HS3ST3A1: variants seen among roughly 807,000 people sequenced by gnomAD.
The protein encoded by HS3ST3A1 is heparan sulfate-glucosamine 3-sulfotransferase 3A1, also known as heparan sulfate glucosamine 3-O-sulfotransferase 3A1.
In HS3ST3A1, 19 loss-of-function variants were observed where a neutral mutation model predicts 25.7. The ratio of observed to expected loss-of-function variants is 0.74; its 90% confidence interval spans 0.52 to 1.08. The LOEUF (loss-of-function observed/expected upper bound fraction) is 1.08. HS3ST3A1 is among the 50% of genes least tolerant of loss of function. The pLI, the probability that HS3ST3A1 is intolerant of heterozygous loss-of-function variation, is 0.00. For missense variants in HS3ST3A1, 459 were observed against 594.3 expected (o/e 0.77, Z 2.37); for synonymous variants, 226 against 278.6 (o/e 0.81, Z 1.88).
intron 1 of HS3ST3A1, among the ~76,000 whole-genome samples, chr17:13,502,060 C>A (rs188173310): frequency 4.3e-4 from 66 of 152,230 alleles, no homozygotes; most frequent in Non-Finnish European, 8.8e-4. Context: ...ATTTTCCTAT[C>A]TGGCTCAAAC....
At chr17:13,534,826 G>A (rs1906721462) in intron 1 of HS3ST3A1, among the ~76,000 whole-genome samples, 1 of 151,998 alleles carries the variant, frequency 6.6e-6, no homozygotes, top group African/African-American at 2.4e-5. Flanking sequence ...GGGAGTTCGT[G>A]ACCAGCCTGA....
chr17:13,589,535 A>C (rs1908363763), intron 1 of HS3ST3A1, among the ~76,000 whole-genome samples: 1 of 152,194 alleles, frequency 6.6e-6, no homozygotes, highest in Non-Finnish European at 1.5e-5. Flanking sequence ...TCCTACACCA[A>C]GGAGTAAGAG....
chr17:13,551,913 CTCTA>C (rs756150549), intron 1 of HS3ST3A1, among the ~76,000 whole-genome samples: 38 of 152,156 alleles, frequency 2.5e-4, no homozygotes, highest in Non-Finnish European at 4.7e-4. Flanking sequence ...TCTGAGTCTA[CTCTA>C]TCTAACTAAG....
intron 1 of HS3ST3A1, among the ~76,000 whole-genome samples, chr17:13,597,264 T>G (rs1908601197): frequency 6.6e-6 from 1 of 152,070 alleles, no homozygotes; most frequent in Non-Finnish European, 1.5e-5. Context: ...AATAAGTATC[T>G]TTTAGCTTAC....
At chr17:13,587,799 G>A (rs1423304295) in intron 1 of HS3ST3A1, among the ~76,000 whole-genome samples, 3 of 151,828 alleles carry the variant, frequency 2.0e-5, no homozygotes, top group African/African-American at 7.3e-5. Context: ...ATTTGTAGTT[G>A]AGCATATAAT....
chr17:13,562,353 C>T (rs2142366255), intron 1 of HS3ST3A1, among the ~76,000 whole-genome samples: 1 of 152,228 alleles, frequency 6.6e-6, no homozygotes, highest in East Asian at 1.9e-4. Flanking sequence ...AGACAGACAG[C>T]CTCGTCTATT....
intron 1 of HS3ST3A1, among the ~76,000 whole-genome samples, chr17:13,540,125 G>C (rs1040804123): frequency 2.0e-5 from 3 of 152,202 alleles, no homozygotes; most frequent in African/African-American, 7.2e-5. Context: ...ATTTTTGTGA[G>C]TGAGAAAGTA....
intron 1 of HS3ST3A1, among the ~76,000 whole-genome samples, chr17:13,550,030 T>A (rs1907197803): frequency 6.6e-6 from 1 of 152,188 alleles, no homozygotes; most frequent in Non-Finnish European, 1.5e-5. Context: ...AATAAACTTG[T>A]CTCATTTATT....
intron 1 of HS3ST3A1, among the ~76,000 whole-genome samples, chr17:13,534,092 A>G (rs6502273): frequency 0.28 from 42,599 of 152,034 alleles, 6,184 homozygotes; most frequent in Non-Finnish European, 0.32. Flanking sequence ...AGGTAGGTAG[A>G]AGAATGTGAT....
At chr17:13,533,173 T>C (rs1170398851) in intron 1 of HS3ST3A1, among the ~76,000 whole-genome samples, 1 of 152,152 alleles carries the variant, frequency 6.6e-6, no homozygotes, top group East Asian at 1.9e-4. Context: ...ATAAGGTTAA[T>C]ATATATAGTC....
chr17:13,595,602 A>G (rs1319147797), intron 1 of HS3ST3A1, among the ~76,000 whole-genome samples: 2 of 152,206 alleles, frequency 1.3e-5, no homozygotes, highest in Non-Finnish European at 2.9e-5. Context: ...TATGTTCACA[A>G]TTGCAACTCA....
chr17:13,494,867 G>T lies in HS3ST3A1; in HGVS notation c.*1330C>A, dbSNP rs1905226388. Among the ~76,000 whole-genome samples, 1 of 152,088 alleles carries T rather than the reference G, an allele frequency of 6.6e-6. No individual in the cohort carries two copies. The highest frequency in any genetic ancestry group is 2.4e-5 in the African/African-American group (1 of 41,418). ...AAAAGCCACCATTTTACCCACAAAT[G>T]CATTTCCTAGAATATTTTTCCAAAT... On this transcript the variant is annotated 3_prime_UTR_variant, in exon 2 of 2. Coordinates refer to ENST00000284110, the MANE Select transcript of HS3ST3A1 (RefSeq NM_006042.3).
intron 1 of HS3ST3A1, among the ~76,000 whole-genome samples, chr17:13,565,250 G>T (rs75243656): frequency 2.6e-5 from 4 of 152,054 alleles, no homozygotes; most frequent in East Asian, 3.9e-4. Context: ...GGTTTAAAAA[G>T]CTTGAGGCCA....
At chr17:13,567,870 A>G (rs1008780421) in intron 1 of HS3ST3A1, among the ~76,000 whole-genome samples, 2 of 152,246 alleles carry the variant, frequency 1.3e-5, no homozygotes, top group Admixed American at 1.3e-4. Context: ...GCATTGTTGA[A>G]ATGACAACAA....
At chr17:13,512,895 T>G (rs1905924536) in intron 1 of HS3ST3A1, among the ~76,000 whole-genome samples, 1 of 152,200 alleles carries the variant, frequency 6.6e-6, no homozygotes. Flanking sequence ...TTGAGTCATT[T>G]TTGGTCATTT....
Position 13,584,451 on chromosome 17 carries a change from G to GAGGAAGGA in HS3ST3A1, c.599+16072_599+16079dup, listed in dbSNP as rs10651517. 5.4e-4 allele frequency among the ~76,000 whole-genome samples: 77 copies of GAGGAAGGA among 143,672 alleles called. 1 individual carries two copies. Among genetic ancestry groups the GAGGAAGGA allele is most frequent in the East Asian group, 2.5e-3 (12 of 4,714 alleles). 94.3% of individuals were successfully genotyped at this position (143,672 alleles called of 152,430 possible). ...AAAAAAAAAAGAAGAAAGAGAGAGAGAGGAAGGAAGGAAGGAAGGAAGGGA... is the reference window on the plus strand; with the variant it reads ...AAAAAAAAAAGAAGAAAGAGAGAGAGAGGAAGGAAGGAAGGAAGGAAGGAAGGAAGGGA... On this transcript the variant is annotated intron_variant, in intron 1 of 1. Coordinates refer to ENST00000284110, the MANE Select transcript of HS3ST3A1 (RefSeq NM_006042.3).
At chr17:13,572,008 C>T (rs1907828839) in intron 1 of HS3ST3A1, among the ~76,000 whole-genome samples, 1 of 152,138 alleles carries the variant, frequency 6.6e-6, no homozygotes, top group African/African-American at 2.4e-5. Context: ...ATCCACCCAC[C>T]TCGGCCTCTC....
In HS3ST3A1 at chr17:13,600,958, C is replaced by A. The variant is rs1476573825; in HGVS notation, c.172G>T (p.Gly58Cys). The change falls in exon 1 of 2, where the codon GGC becomes TGC. Residue 58 changes from glycine (G) to cysteine (C), a missense_variant. Coordinates refer to ENST00000284110, the MANE Select transcript of HS3ST3A1 (RefSeq NM_006042.3). ...GGGGCCCCCGCCTCCTCGCCGCCGC[C>A]GGACAGCCCCACGACGGGGCCGGAC... ...TLSGPVVGLS[G>C]GGEEAGAPGG... 1.9e-6 allele frequency: 3 copies of A among 1,542,172 alleles called. No homozygotes were observed. Among genetic ancestry groups the A allele is most frequent in the African/African-American group, 1.4e-5 (1 of 71,122 alleles).
chr17:13,562,562 A>G (rs1194507476), intron 1 of HS3ST3A1, among the ~76,000 whole-genome samples: 1 of 151,874 alleles, frequency 6.6e-6, no homozygotes, highest in African/African-American at 2.4e-5. Context: ...CTGAAGAAAC[A>G]GTATCCTGAT....
Sources: gnomAD v4.1 joint callset for allele counts (sites outside exome capture counted in the v4.1 genomes callset) on GRCh38, gnomAD v4.1.1 for gene constraint, MANE v1.5 for transcripts, NCBI Gene and HGNC (gene_info 2026-07-23, HGNC 2026-07-21) for gene names.